OPA3: variants seen among roughly 807,000 people sequenced by gnomAD.
OPA3 encodes optic atrophy 3 protein.
A neutral mutation model predicts 4.0 loss-of-function variants in OPA3; 6 were observed. That is an observed-to-expected ratio of 1.51 (90% CI 0.83 to 2.99). OPA3 has a LOEUF of 2.99. Among genes scored for constraint, OPA3 ranks in the 30% most tolerant of loss-of-function variants. The probability of loss-of-function intolerance (pLI) is 0.00; values close to 1 mark genes in which losing one functional copy is unlikely to be tolerated. For synonymous variants in OPA3, 105 were observed against 117.1 expected (o/e 0.90, Z 0.67); for missense variants, 235 against 256.2 (o/e 0.92, Z 0.56).
rs1228819516 is a variant in OPA3, at chr19:45,547,145, G to A, written c.*6369C>T. Reference sequence around the variant, plus strand: ...CCAGATGTGGTGGAAGCAGAGGCCTGAGTGATCCTGTTGGGGCTCCAGAGC... The same window carrying A: ...CCAGATGTGGTGGAAGCAGAGGCCTAAGTGATCCTGTTGGGGCTCCAGAGC... On this transcript the variant is annotated 3_prime_UTR_variant, in exon 2 of 2. Transcript: ENST00000263275. 1 of 152,284 alleles carries A rather than the reference G, an allele frequency of 6.6e-6. No individual in the cohort carries two copies. The highest frequency in any genetic ancestry group is 1.5e-5 in the Non-Finnish European group (1 of 68,106). 9.4% of individuals were successfully genotyped at this position (152,284 alleles called of 1,614,324 possible).
chr19:45,543,230 C>T (rs1424721808), downstream of OPA3, among the ~76,000 whole-genome samples: 1 of 152,132 alleles, frequency 6.6e-6, no homozygotes, highest in Non-Finnish European at 1.5e-5. Flanking sequence ...GGGCTGGTCT[C>T]AAACTCCTGG....
At chr19:45,555,884 G>A (rs746036291) in intron 1 of OPA3, among the ~76,000 whole-genome samples, 8 of 151,710 alleles carry the variant, frequency 5.3e-5, no homozygotes, top group Non-Finnish European at 7.4e-5. Flanking sequence ...TGGCTGCCTC[G>A]GCCTCCCAAA....
At chr19:45,565,957 A>G (rs776042014) in intron 1 of OPA3, among the ~76,000 whole-genome samples, 1 of 152,086 alleles carries the variant, frequency 6.6e-6, no homozygotes, top group Non-Finnish European at 1.5e-5. Flanking sequence ...TCTTAATCAA[A>G]TCAATCAATC....
In OPA3 at chr19:45,548,763, G is replaced by A. The variant is rs1326411605; in HGVS notation, c.*4751C>T. On this transcript the variant is annotated 3_prime_UTR_variant, in exon 2 of 2. Transcript: ENST00000263275. ...TTTTTGAGTGAAAGAATAAATAAAG[G>A]ATATTTTTCCTAAGGTTGACATGGA... 1.5e-5 allele frequency: 15 copies of A among 971,780 alleles called. No individual in the cohort carries two copies. The highest frequency in any genetic ancestry group is 6.2e-5 in the Admixed American group (1 of 16,118). The allele number at this position is 971,780 out of a possible 1,614,324, so 60.2% of individuals were successfully genotyped here.
At position 45,550,835 on chromosome 19, in the gene OPA3, TG is replaced by T. The variant is rs1969321767; in HGVS notation, c.*2678del. 1.0e-6 allele frequency: 1 copy of T among 986,138 alleles called. No individual in the cohort carries two copies. Among genetic ancestry groups the T allele is most frequent in the Non-Finnish European group, 1.2e-6 (1 of 830,158 alleles). The allele number at this position is 986,138 out of a possible 1,614,324, so 61.1% of individuals were successfully genotyped here. On this transcript the variant is annotated 3_prime_UTR_variant, in exon 2 of 2. Transcript: ENST00000263275. ...GTCGGAAGGACAGACTGCAGGCTAC[TG>T]GGACCCACCCCCTCCCGCTTCAGTG...
intron 1 of OPA3, among the ~76,000 whole-genome samples, chr19:45,533,012 C>T (rs1360533147): frequency 6.6e-6 from 1 of 151,860 alleles, no homozygotes; most frequent in Non-Finnish European, 1.5e-5. Flanking sequence ...CTGCCTCAGC[C>T]TCCCGAGTAG....
chr19:45,562,271 CA>C (rs1301315773), intron 1 of OPA3, among the ~76,000 whole-genome samples: 1 of 129,974 alleles, frequency 7.7e-6, no homozygotes, highest in Non-Finnish European at 1.5e-5. Flanking sequence ...CGCTTGAATC[CA>C]GGAGGCAGAG....
chr19:45,544,049 TC>T (rs1306104372), downstream of OPA3, among the ~76,000 whole-genome samples: 2 of 152,190 alleles, frequency 1.3e-5, no homozygotes, highest in Admixed American at 6.5e-5. Context: ...TGATTCACTT[TC>T]ATAATAAACT....
rs1477258543 is a variant in OPA3, at chr19:45,553,236, T to C, written c.*278A>G. 7.1e-7 allele frequency: 1 copy of C among 1,401,278 alleles called. No individual in the cohort carries two copies. The highest frequency in any genetic ancestry group is 1.5e-5 in the African/African-American group (1 of 68,842). 86.8% of individuals were successfully genotyped at this position (1,401,278 alleles called of 1,614,324 possible). The stretch of plus-strand genomic sequence containing the variant: ...GGTTCCATTTTTTCATTTGCCAGAG[T>C]GCCCACGGTGTCCTGCTGGCTGGGA... On this transcript the variant is annotated 3_prime_UTR_variant, in exon 2 of 2. Transcript: ENST00000263275.
At chr19:45,530,876 C>T (rs1382784397) in intron 1 of OPA3, among the ~76,000 whole-genome samples, 1 of 138,446 alleles carries the variant, frequency 7.2e-6, no homozygotes, top group African/African-American at 2.7e-5. Flanking sequence ...ATTCTGGTGG[C>T]TTAGCCTCCC....
chr19:45,539,989 C>T (rs1969165536), intron 1 of OPA3, among the ~76,000 whole-genome samples: 1 of 152,096 alleles, frequency 6.6e-6, no homozygotes, highest in Non-Finnish European at 1.5e-5. Context: ...ATAACCATGT[C>T]AGTTTACTGA....
intron 1 of OPA3, among the ~76,000 whole-genome samples, chr19:45,530,927 CTTTTTTTTTTTT>C (rs71173176): frequency 5.9e-4 from 21 of 35,448 alleles, no homozygotes; most frequent in African/African-American, 1.3e-3. Context: ...ATGTCACCTA[CTTTTTTTTTTTT>C]TTTTTTTTTT....
At chr19:45,544,274 CCA>C (rs1969218719), downstream of OPA3, among the ~76,000 whole-genome samples, 1 of 152,192 alleles carries the variant, frequency 6.6e-6, no homozygotes, top group African/African-American at 2.4e-5. Context: ...TTCATAGCCA[CCA>C]CGCGGAGGAA....
rs1599959838 is a variant in OPA3, at chr19:45,550,424, T to C, written c.*3090A>G. 2 of 985,314 alleles carry C rather than the reference T, an allele frequency of 2.0e-6. No homozygotes were observed. The highest frequency in any genetic ancestry group is 2.4e-6 in the Non-Finnish European group (2 of 830,172). 61.0% of individuals were successfully genotyped at this position (985,314 alleles called of 1,614,324 possible). Reference sequence around the variant, plus strand: ...CTGCTCTGAGAGGGGATAGAGAGGGTCTCCCACTATCAACGCCACCTCTGG... The same window carrying C: ...CTGCTCTGAGAGGGGATAGAGAGGGCCTCCCACTATCAACGCCACCTCTGG... On this transcript the variant is annotated 3_prime_UTR_variant, in exon 2 of 2. Transcript: ENST00000263275.
At chr19:45,556,354 C>CTTAT (rs60926619) in intron 1 of OPA3, among the ~76,000 whole-genome samples, 2 of 151,682 alleles carry the variant, frequency 1.3e-5, no homozygotes, top group South Asian at 2.1e-4. Flanking sequence ...CATATTCCAT[C>CTTAT]TTATTTATTT....
chr19:45,559,393 CTTTCTTTTTTTT>C (rs1208942599), intron 1 of OPA3, among the ~76,000 whole-genome samples: 11 of 97,836 alleles, frequency 1.1e-4, no homozygotes, highest in African/African-American at 3.7e-4. Context: ...CCCTCTTTTT[CTTTCTTTTTTTT>C]TTTTTTTTTT....
chr19:45,547,886 G>C lies in OPA3; in HGVS notation c.*5628C>G, dbSNP rs1183566652. 4 of 152,894 alleles carry C rather than the reference G, an allele frequency of 2.6e-5. No homozygotes were observed. Among genetic ancestry groups the C allele is most frequent in the Non-Finnish European group, 5.8e-5 (4 of 68,768 alleles). The allele number at this position is 152,894 out of a possible 1,614,324, so 9.5% of individuals were successfully genotyped here. A position where few individuals can be genotyped will look rare whatever the true frequency, so the allele number is the denominator to read the frequency against. ...CTAATTTTGTATTTTTAGTAGAGAT[G>C]GGGTTTCTCCATGTCGGTCAGGCTG... On this transcript the variant is annotated 3_prime_UTR_variant, in exon 2 of 2. Transcript: ENST00000263275.
chr19:45,558,086 C>A (rs980121557), intron 1 of OPA3, among the ~76,000 whole-genome samples: 1 of 152,160 alleles, frequency 6.6e-6, no homozygotes. Flanking sequence ...TTAATCCCAG[C>A]GCTTTGGGAG....
intron 1 of OPA3, among the ~76,000 whole-genome samples, chr19:45,536,834 G>GA: frequency 6.6e-6 from 1 of 151,962 alleles, no homozygotes; most frequent in African/African-American, 2.4e-5. Flanking sequence ...TATTCACAGA[G>GA]AAAAAAATAA....
Sources: allele counts gnomAD v4.1 joint callset (sites outside exome capture counted in the v4.1 genomes callset), GRCh38; gene constraint gnomAD v4.1.1; transcripts MANE v1.5; gene names NCBI Gene and HGNC (gene_info 2026-07-23, HGNC 2026-07-21).